RRP8: variants seen among roughly 807,000 people sequenced by gnomAD.
RRP8 encodes ribosomal RNA-processing protein 8.
RRP8 carries 48 observed loss-of-function variants against 45.0 expected under a neutral mutation model. That is an observed-to-expected ratio of 1.07 (90% CI 0.85 to 1.36). The LOEUF is 1.36. Ranked by LOEUF, RRP8 falls within the 40% of genes most tolerant of loss-of-function variation. The pLI is 0.00. For synonymous variants in RRP8, 274 were observed against 212.4 expected (o/e 1.29, Z -2.52); for missense variants, 658 against 573.7 (o/e 1.15, Z -1.50).
Position 6,601,508 on chromosome 11 carries a change from C to T in RRP8, c.558G>A (p.Lys186=), listed in dbSNP as rs1371359680. Residue 186 remains lysine, a synonymous_variant, in exon 3 of 7, where the codon AAG becomes AAA. Coordinates refer to ENST00000254605, the MANE Select transcript of RRP8 (RefSeq NM_015324.4). ...SPKPPHTLSR[K]QWRNRQKNKR... Reference sequence around the variant, plus strand: ...TGTTCTTTTGCCGGTTCCGCCACTGCTTGCGGCTTAATGTATGAGGGGGTT... The same window carrying T: ...TGTTCTTTTGCCGGTTCCGCCACTGTTTGCGGCTTAATGTATGAGGGGGTT... 1.2e-6 allele frequency: 2 copies of T among 1,612,362 alleles called. No homozygotes were observed. Among genetic ancestry groups the T allele is most frequent in the Non-Finnish European group, 1.7e-6 (2 of 1,180,044 alleles).
rs765563514 is a variant in RRP8 at position 6,601,270 on chromosome 11, C to A, written c.796G>T (p.Ala266Ser). The A allele has an allele frequency of 2.4e-5, 38 of 1,611,966 alleles. No homozygotes were observed. Among genetic ancestry groups the A allele is most frequent in the Middle Eastern group, 1.6e-4 (1 of 6,084 alleles). The stretch of plus-strand genomic sequence containing the variant: ...GGGTCTTCCTGGAAGAGACGCTGTG[C>A]AGCACTGCTGGGCCCTGAGTACAAC... ...EQLYSGPSSA[A>S]QRLFQEDPEA... Residue 266 changes from alanine to serine, a missense_variant, in exon 3 of 7, where the codon GCA becomes TCA. Physicochemically the swap from Ala to Ser is moderately conservative, Grantham distance 99 (BLOSUM62 1). Transcript: ENST00000254605.
intron 1 of RRP8, among the ~76,000 whole-genome samples, 169 bp downstream of exon 1, chr11:6,603,233 ACT>A (rs370958413): frequency 5.5e-4 from 83 of 152,014 alleles, no homozygotes; most frequent in African/African-American, 1.8e-3. Flanking sequence ...CTACTCAACA[ACT>A]CTCTCTGACC....
chr11:6,598,432 G>A lies in RRP8; in HGVS notation c.*1714C>T, dbSNP rs184099163. The A allele has an allele frequency of 6.6e-6, 1 of 152,310 alleles. No individual in the cohort carries two copies. Among genetic ancestry groups the A allele is most frequent in the East Asian group, 1.9e-4 (1 of 5,190 alleles). 9.4% of individuals were successfully genotyped at this position (152,310 alleles called of 1,614,324 possible). On this transcript the variant is annotated 3_prime_UTR_variant, in exon 7 of 7. Transcript: ENST00000254605. The stretch of plus-strand genomic sequence containing the variant: ...ACACTGGCTATATCTCAAATGACAA[G>A]CTCCGGGAATACAAAGATAAACATG...
intron 3 of RRP8, 22 bp downstream of exon 3, chr11:6,601,127 A>G (rs1228073018): frequency 6.2e-7 from 1 of 1,613,706 alleles, no homozygotes; most frequent in Admixed American, 1.7e-5. Context: ...ATGGCTTCTC[A>G]CAGTCCCTGA....
rs938716323 is a variant in RRP8 at position 6,595,436 on chromosome 11, T to C, written c.*4710A>G. On this transcript the variant is annotated 3_prime_UTR_variant, in exon 7 of 7. Coordinates refer to ENST00000254605, the MANE Select transcript of RRP8 (RefSeq NM_015324.4). ...GGCATCCCTGCTTAATCAATAACAC[T>C]TCATTTCGTGACCATGAGACAAGAA... is the stretch of plus-strand genomic sequence containing the variant. 1 of 152,132 alleles carries C rather than the reference T, an allele frequency of 6.6e-6. No individual in the cohort carries two copies. The highest frequency in any genetic ancestry group is 6.5e-5 in the Admixed American group (1 of 15,276). 9.4% of individuals were successfully genotyped at this position (152,132 alleles called of 1,614,324 possible).
chr11:6,600,173 A>G lies in RRP8; in HGVS notation c.1344T>C (p.Leu448=), dbSNP rs374681418. The change falls in exon 7 of 7, where the codon CTT becomes CTC. Residue 448 remains leucine (L), a synonymous_variant. Transcript: ENST00000254605. ...GPKAQLSGLQ[L]QPCLYKRR ...ACCTGCGCTTGTAGAGACATGGCTG[A>G]AGCTGCAGGCCTGAAAGCTGAGCCT... 3 of 1,600,822 alleles carry G rather than the reference A, an allele frequency of 1.9e-6. No homozygotes were observed. In the African/African-American group the frequency reaches 4.1e-5, roughly 22 times the overall value.
At position 6,601,006 on chromosome 11, in the gene RRP8, C is replaced by T; in HGVS notation, c.967G>A (p.Ala323Thr). The T allele has an allele frequency of 6.2e-7, 1 of 1,614,220 alleles. No individual in the cohort carries two copies. The highest frequency in any genetic ancestry group is 8.5e-7 in the Non-Finnish European group (1 of 1,180,044). Residue 323 changes from alanine (A) to threonine (T), a missense_variant, in exon 4 of 7, where the codon GCT becomes ACT. Coordinates refer to ENST00000254605, the MANE Select transcript of RRP8 (RefSeq NM_015324.4). ...ADFGCGDCRL[A>T]SSIRNPVHCF... The stretch of plus-strand genomic sequence containing the variant: ...TGCACAGGGTTCCGGATACTTGAAG[C>T]CAAGCGGCAATCCCCACAGCCGAAG...
At position 6,601,270 on chromosome 11, in the gene RRP8, C is replaced by G; in HGVS notation, c.796G>C (p.Ala266Pro). Residue 266 changes from alanine (A) to proline (P), a missense_variant, in exon 3 of 7, where the codon GCA becomes CCA. Coordinates refer to ENST00000254605, the MANE Select transcript of RRP8 (RefSeq NM_015324.4). ...GGGTCTTCCTGGAAGAGACGCTGTG[C>G]AGCACTGCTGGGCCCTGAGTACAAC... ...EQLYSGPSSA[A>P]QRLFQEDPEA... 6.2e-7 allele frequency: 1 copy of G among 1,612,084 alleles called. No homozygotes were observed. Among genetic ancestry groups the G allele is most frequent in the South Asian group, 1.1e-5 (1 of 90,790 alleles).
rs769930522 is a variant in RRP8 at position 6,603,407 on chromosome 11, G to A, written c.96C>T (p.Asn32=). ...SRPPPAASSQ[N]KGSKRRQLLA... ...ATTGCTCCCGCGAGTCACTCACCTT[G>A]TTTTGCGAGGAGGCCGCAGGCGGAG... Residue 32 remains asparagine, a synonymous_variant, in exon 1 of 7, where the codon AAC becomes AAT. Coordinates refer to ENST00000254605, the MANE Select transcript of RRP8 (RefSeq NM_015324.4). 4.4e-6 allele frequency: 7 copies of A among 1,600,354 alleles called. No individual in the cohort carries two copies. The highest frequency in any genetic ancestry group is 6.0e-6 in the Non-Finnish European group (7 of 1,174,214).
rs1488804255 is a variant in RRP8, at chr11:6,600,934, T to C, written c.1039A>G (p.Met347Val). ...ATAACATAGGGGTTTACCTGGGCCA[T>C]GTCACACACAGTGACCCTAGGGTCC... is the stretch of plus-strand genomic sequence containing the variant. ...SLDPRVTVCDMAQVPLEDESV... is the reference protein window; with the variant it reads ...SLDPRVTVCDVAQVPLEDESV... Residue 347 changes from methionine (M) to valine (V), a missense_variant, in exon 4 of 7, where the codon ATG becomes GTG. Physicochemically the swap from Met to Val is conservative, Grantham distance 21 (BLOSUM62 1). Transcript: ENST00000254605. The C allele has an allele frequency of 6.2e-7, 1 of 1,614,190 alleles. No individual in the cohort carries two copies. Among genetic ancestry groups the C allele is most frequent in the Admixed American group, 1.7e-5 (1 of 60,026 alleles).
In RRP8 at chr11:6,595,538, A is replaced by C. The variant is rs1404002004; in HGVS notation, c.*4608T>G. ...ATCACCTAACTCCAGGTTATATGAC[A>C]AAAAAAAACATCTGTTTAGGACATT... On this transcript the variant is annotated 3_prime_UTR_variant, in exon 7 of 7. Transcript: ENST00000254605. The C allele has an allele frequency of 6.7e-6, 1 of 149,398 alleles. No individual in the cohort carries two copies. Among genetic ancestry groups the C allele is most frequent in the Admixed American group, 6.6e-5 (1 of 15,114 alleles). 9.3% of individuals were successfully genotyped at this position (149,398 alleles called of 1,614,324 possible).
rs1854223324 is a variant in RRP8 at position 6,595,977 on chromosome 11, T to A, written c.*4169A>T. 3 of 152,200 alleles carry A rather than the reference T, an allele frequency of 2.0e-5. No individual in the cohort carries two copies. Among genetic ancestry groups the A allele is most frequent in the African/African-American group, 4.8e-5 (2 of 41,450 alleles). 9.4% of individuals were successfully genotyped at this position (152,200 alleles called of 1,614,324 possible). The stretch of plus-strand genomic sequence containing the variant: ...CTATGACTCCATCACCGTCAAAACA[T>A]GTGCTTCAAGGTTACCTTGAAGAGG... On this transcript the variant is annotated 3_prime_UTR_variant, in exon 7 of 7. Coordinates refer to ENST00000254605, the MANE Select transcript of RRP8 (RefSeq NM_015324.4).
chr11:6,603,305 G>A lies in RRP8; in HGVS notation c.99+99C>T, dbSNP rs539446350. On this transcript the variant is annotated intron_variant, in intron 1 of 6. Transcript: ENST00000254605. ...CAGATCAGGACTCGCCCTTAACGGT[G>A]CCACAGGTGTCCCTCCCCGCAATAC... is the stretch of plus-strand genomic sequence containing the variant. 1.3e-4 allele frequency: 105 copies of A among 830,232 alleles called. No homozygotes were observed. In the East Asian group the frequency reaches 1.8e-3, roughly 14 times the overall value. 51.4% of individuals were successfully genotyped at this position (830,232 alleles called of 1,614,324 possible).
Position 6,598,498 on chromosome 11 carries a change from T to C in RRP8, c.*1648A>G, listed in dbSNP as rs1449632469. 1 of 152,212 alleles carries C rather than the reference T, an allele frequency of 6.6e-6. No homozygotes were observed. The highest frequency in any genetic ancestry group is 2.4e-5 in the African/African-American group (1 of 41,454). The allele number at this position is 152,212 out of a possible 1,614,324, so 9.4% of individuals were successfully genotyped here. ...AGCCAAATGCACAAAGGAATCACAA[T>C]GCAATATTTAGAAGCTGAAGTAGCA... On this transcript the variant is annotated 3_prime_UTR_variant, in exon 7 of 7. Coordinates refer to ENST00000254605, the MANE Select transcript of RRP8 (RefSeq NM_015324.4).
rs1029177933 is a variant in RRP8, at chr11:6,598,030, T to C, written c.*2116A>G. ...GCTCCTCAGTTCTATTCTGAGCCATTTTCTCTTCTCATTATCTTACCCTGA... is the reference window on the plus strand; with the variant it reads ...GCTCCTCAGTTCTATTCTGAGCCATCTTCTCTTCTCATTATCTTACCCTGA... On this transcript the variant is annotated 3_prime_UTR_variant, in exon 7 of 7. Coordinates refer to ENST00000254605, the MANE Select transcript of RRP8 (RefSeq NM_015324.4). The C allele has an allele frequency of 6.6e-6, 1 of 152,212 alleles. No homozygotes were observed. The highest frequency in any genetic ancestry group is 1.5e-5 in the Non-Finnish European group (1 of 68,080). The allele number at this position is 152,212 out of a possible 1,614,324, so 9.4% of individuals were successfully genotyped here. A position where few individuals can be genotyped will look rare whatever the true frequency, so the allele number is the denominator to read the frequency against.
chr11:6,602,333 C>T (rs1854427171), intron 1 of RRP8, 118 bp from the exon 2 acceptor site: 1 of 1,266,174 alleles, frequency 7.9e-7, no homozygotes, highest in Non-Finnish European at 1.1e-6. Flanking sequence ...TCTTCCCAGT[C>T]AAGCCTGCCA....
chr11:6,602,582 G>A (rs1027985132), intron 1 of RRP8, among the ~76,000 whole-genome samples: 6 of 152,204 alleles, frequency 3.9e-5, no homozygotes, highest in African/African-American at 1.4e-4. Flanking sequence ...CTGAACACAG[G>A]AGACACATGA....
chr11:6,603,508 T>C lies in RRP8; in HGVS notation c.-6A>G. 1 of 1,565,792 alleles carries C rather than the reference T, an allele frequency of 6.4e-7. No individual in the cohort carries two copies. Among genetic ancestry groups the C allele is most frequent in the Non-Finnish European group, 8.7e-7 (1 of 1,155,536 alleles). ...CACTCAGGCTCTTCGAACATGAGGG[T>C]CGGGAGGGCAGGGTCGCCGAGTCCC... On this transcript the variant is annotated 5_prime_UTR_variant, in exon 1 of 7. Transcript: ENST00000254605.
At position 6,601,371 on chromosome 11, in the gene RRP8, T is replaced by G. The variant is rs146897402; in HGVS notation, c.695A>C (p.Glu232Ala). ...GGCTCGCAAAGCCCCTGCCCGAGCC[T>G]CATGGCTGTCTGTCCTGGGAACAGG... ...VSPVPRTDSH[E>A]ARAGALRARM... Residue 232 changes from glutamate (E) to alanine (A), a missense_variant, in exon 3 of 7, where the codon GAG becomes GCG. Transcript: ENST00000254605. 2 of 1,614,168 alleles carry G rather than the reference T, an allele frequency of 1.2e-6. No homozygotes were observed. Among genetic ancestry groups the G allele is most frequent in the Non-Finnish European group, 8.5e-7 (1 of 1,180,026 alleles).
Sources: gnomAD v4.1 joint callset for allele counts (sites outside exome capture counted in the v4.1 genomes callset) on GRCh38, gnomAD v4.1.1 for gene constraint, MANE v1.5 for transcripts, NCBI Gene and HGNC (gene_info 2026-07-23, HGNC 2026-07-21) for gene names.